Variants in CDK14 observed in about 807,000 individuals in gnomAD.
CDK14 encodes the protein cyclin dependent kinase 14.
A neutral mutation model predicts 60.7 loss-of-function variants in CDK14; 34 were observed. The ratio of observed to expected loss-of-function variants is 0.56; its 90% CI spans 0.43 to 0.75. CDK14 has a LOEUF of 0.75. Ranked by LOEUF, CDK14 falls within the 30% of genes least tolerant of loss-of-function variation. The pLI, the probability that CDK14 is intolerant of heterozygous loss-of-function variation, is 0.00. For synonymous variants in CDK14, 197 were observed against 203.7 expected (o/e 0.97, Z 0.28); for missense variants, 482 against 564.1 (o/e 0.85, Z 1.47).
At chr7:90,880,727 C>G (rs546499701) in intron 6 of CDK14, among the ~76,000 whole-genome samples, 2 of 152,272 alleles carry the variant, frequency 1.3e-5, no homozygotes, top group Admixed American at 6.5e-5. Flanking sequence ...GCAGAAGAAG[C>G]AGGCAACCAA....
chr7:90,833,813 A>G (rs1335761361), intron 5 of CDK14, among the ~76,000 whole-genome samples: 2 of 152,216 alleles, frequency 1.3e-5, no homozygotes, highest in African/African-American at 4.8e-5. Flanking sequence ...AAGGACTTAA[A>G]AATAGACCCA....
chr7:90,659,949 A>G (rs1243504623), intron 2 of CDK14, among the ~76,000 whole-genome samples: 2 of 151,896 alleles, frequency 1.3e-5, no homozygotes, highest in Non-Finnish European at 2.9e-5. Flanking sequence ...CTCCAACAGT[A>G]AAAGCACGAC....
At chr7:90,745,000 T>C (rs1358961862) in intron 3 of CDK14, among the ~76,000 whole-genome samples, 1 of 152,226 alleles carries the variant, frequency 6.6e-6, no homozygotes, top group African/African-American at 2.4e-5. Flanking sequence ...TCCTCTTTCA[T>C]TGCATTTTTT....
At chr7:90,713,314 A>G (rs1802130170) in intron 2 of CDK14, among the ~76,000 whole-genome samples, 1 of 152,034 alleles carries the variant, frequency 6.6e-6, no homozygotes, top group South Asian at 2.1e-4. Context: ...GTTTATATCC[A>G]TGCTTTTAAC....
intron 2 of CDK14, among the ~76,000 whole-genome samples, chr7:90,607,922 C>T (rs1429325949): frequency 1.3e-5 from 2 of 152,092 alleles, no homozygotes; most frequent in East Asian, 3.8e-4. Context: ...GTCCTTTTCC[C>T]CTCCCAGCTT....
At chr7:90,793,485 G>C (rs555883338) in intron 5 of CDK14, among the ~76,000 whole-genome samples, 1 of 152,320 alleles carries the variant, frequency 6.6e-6, no homozygotes, top group South Asian at 2.1e-4. Context: ...AAACAGTAAA[G>C]AGTAGATTGA....
intron 2 of CDK14, among the ~76,000 whole-genome samples, chr7:90,702,960 A>G (rs1299505974): frequency 2.0e-5 from 3 of 151,972 alleles, no homozygotes; most frequent in African/African-American, 7.2e-5. Context: ...CCTAAAAGCA[A>G]TAAAACTCAC....
At chr7:90,762,529 A>C (rs1199549987) in intron 4 of CDK14, among the ~76,000 whole-genome samples, 1 of 152,206 alleles carries the variant, frequency 6.6e-6, no homozygotes, top group Non-Finnish European at 1.5e-5. Context: ...AATCACTTAA[A>C]ATGTAATTGG....
At chr7:90,799,751 A>G (rs1315303497) in intron 5 of CDK14, among the ~76,000 whole-genome samples, 3 of 151,044 alleles carry the variant, frequency 2.0e-5, no homozygotes, top group Non-Finnish European at 4.4e-5. Context: ...CAGAGCCTAT[A>G]CTTAAACGTT....
At chr7:91,206,153 C>T (rs1326777380) in intron 14 of CDK14, among the ~76,000 whole-genome samples, 4 of 152,154 alleles carry the variant, frequency 2.6e-5, no homozygotes, top group Non-Finnish European at 4.4e-5. Context: ...CAAGGTATTG[C>T]TGGGTTGCTG....
chr7:91,135,599 C>T (rs1386928695), intron 14 of CDK14, among the ~76,000 whole-genome samples: 6 of 152,266 alleles, frequency 3.9e-5, no homozygotes, highest in African/African-American at 1.4e-4. Flanking sequence ...TCAGTATTGT[C>T]AGTCAGGCTT....
intron 14 of CDK14, among the ~76,000 whole-genome samples, chr7:91,146,608 A>G (rs954752860): frequency 4.6e-5 from 7 of 152,240 alleles, no homozygotes; most frequent in African/African-American, 1.4e-4. Context: ...TACGTATTCA[A>G]TATCTGAATT....
intron 14 of CDK14, among the ~76,000 whole-genome samples, chr7:91,202,782 G>A (rs1047697484): frequency 6.6e-6 from 1 of 152,174 alleles, no homozygotes; most frequent in Admixed American, 6.5e-5. Flanking sequence ...GCCTCTCATT[G>A]GCGCCTCTCT....
intron 11 of CDK14, among the ~76,000 whole-genome samples, chr7:91,069,271 G>T (rs1798067977): frequency 6.6e-6 from 1 of 152,186 alleles, no homozygotes; most frequent in Non-Finnish European, 1.5e-5. Flanking sequence ...AGGCACAGCG[G>T]CTCGTGCTTG....
At chr7:91,182,064 C>T (rs1802018606) in intron 14 of CDK14, among the ~76,000 whole-genome samples, 2 of 151,984 alleles carry the variant, frequency 1.3e-5, no homozygotes. Flanking sequence ...ATGGAGTTTT[C>T]ACTTACCCTT....
intron 2 of CDK14, among the ~76,000 whole-genome samples, chr7:90,719,472 T>A (rs1404810879): frequency 6.6e-6 from 1 of 152,174 alleles, no homozygotes; most frequent in Non-Finnish European, 1.5e-5. Flanking sequence ...CTGCTGTGAG[T>A]TCAGTAGACA....
chr7:90,975,951 C>T (rs1377612238), intron 9 of CDK14, among the ~76,000 whole-genome samples: 1 of 152,094 alleles, frequency 6.6e-6, no homozygotes, highest in African/African-American at 2.4e-5. Flanking sequence ...TGTTGAACAC[C>T]TAGCTTCATT....
chr7:91,116,697 C>T (rs982004850), intron 13 of CDK14, among the ~76,000 whole-genome samples: 11 of 152,202 alleles, frequency 7.2e-5, no homozygotes, highest in East Asian at 1.9e-4. Flanking sequence ...GCCTGGCTTT[C>T]GAAGTCTCTA....
At chr7:90,999,326 C>T (rs913354028) in intron 10 of CDK14, among the ~76,000 whole-genome samples, 5 of 151,822 alleles carry the variant, frequency 3.3e-5, no homozygotes, top group Non-Finnish European at 5.9e-5. Flanking sequence ...GGGTGGCTCA[C>T]GCCTGTAATC....
Sources: gnomAD v4.1 joint callset for allele counts (sites outside exome capture counted in the v4.1 genomes callset) on GRCh38, gnomAD v4.1.1 for gene constraint, MANE v1.5 for transcripts, NCBI Gene and HGNC (gene_info 2026-07-23, HGNC 2026-07-21) for gene names.